Variants in CDS1 observed in about 807,000 individuals in gnomAD.
The protein encoded by CDS1 is phosphatidate cytidylyltransferase 1.
In CDS1, 41 loss-of-function variants were observed where a neutral mutation model predicts 62.1. The ratio of observed to expected loss-of-function variants is 0.66; its 90% confidence interval spans 0.51 to 0.86. The LOEUF (loss-of-function observed/expected upper bound fraction) is 0.86. CDS1 is among the 40% of genes least tolerant of loss of function. The pLI, the probability that CDS1 is intolerant of heterozygous loss-of-function variation, is 0.00. For missense variants in CDS1, 470 were observed against 550.1 expected (o/e 0.85, Z 1.46); for synonymous variants, 185 against 192.6 (o/e 0.96, Z 0.32).
At chr4:84,637,708 C>T (rs182434399) in intron 8 of CDS1, among the ~76,000 whole-genome samples, 1 of 152,336 alleles carries the variant, frequency 6.6e-6, no homozygotes, top group Admixed American at 6.5e-5. Flanking sequence ...ATTTTGAACA[C>T]AGCCTTCTAG....
intron 2 of CDS1, among the ~76,000 whole-genome samples, chr4:84,606,791 C>T (rs1170866887): frequency 2.0e-5 from 3 of 152,126 alleles, no homozygotes; most frequent in Non-Finnish European, 4.4e-5. Context: ...AGCAATCCTC[C>T]CACCTCAGCC....
At chr4:84,643,254 T>C (rs1724447346) in intron 11 of CDS1, 111 bp downstream of exon 11, 1 of 959,784 alleles carries the variant, frequency 1.0e-6, no homozygotes, top group African/African-American at 1.6e-5. Context: ...CCACAACTTT[T>C]ATATCCTATT....
Position 84,617,597 on chromosome 4 carries a change from A to G in CDS1, c.376A>G (p.Ile126Val). 6.3e-7 allele frequency: 1 copy of G among 1,595,854 alleles called. No individual in the cohort carries two copies. Among genetic ancestry groups the G allele is most frequent in the Non-Finnish European group, 8.6e-7 (1 of 1,165,922 alleles). ...CATCCAAGTGAAATGCTTCCATGAAATTATCACTATAGGTTATAGAGTCTA... is the reference window on the plus strand; with the variant it reads ...CATCCAAGTGAAATGCTTCCATGAAGTTATCACTATAGGTTATAGAGTCTA... ...LGIQVKCFHEIITIGYRVYHS... is the reference protein window; with the variant it reads ...LGIQVKCFHEVITIGYRVYHS... The change falls in exon 4 of 13, where the codon ATT becomes GTT. Residue 126 changes from isoleucine to valine, a missense_variant. Physicochemically the swap from Ile to Val is conservative, Grantham distance 29 (BLOSUM62 3). Around this residue, in one of 5 missense-constraint regions of CDS1, gnomAD observed 34 missense variants for 64.8 expected, o/e 0.52. Coordinates refer to ENST00000295887, the MANE Select transcript of CDS1 (RefSeq NM_001263.4).
At chr4:84,609,157 TGC>T (rs1723232033) in intron 2 of CDS1, among the ~76,000 whole-genome samples, 1 of 136,162 alleles carries the variant, frequency 7.3e-6, no homozygotes, top group Non-Finnish European at 1.5e-5. Context: ...CCAGCCTGGG[TGC>T]GACAGAGCGA....
At chr4:84,596,742 C>T (rs1722764690) in intron 1 of CDS1, among the ~76,000 whole-genome samples, 1 of 152,038 alleles carries the variant, frequency 6.6e-6, no homozygotes, top group African/African-American at 2.4e-5. Context: ...ATTATTTTGC[C>T]CTTGACAGGC....
intron 1 of CDS1, among the ~76,000 whole-genome samples, chr4:84,593,497 GT>G (rs897835374): frequency 7.8e-6 from 1 of 128,800 alleles, no homozygotes; most frequent in African/African-American, 2.8e-5. Context: ...CAGTTACAAG[GT>G]TTTTTTTGTT....
At chr4:84,588,178 G>C (rs954587850) in intron 1 of CDS1, among the ~76,000 whole-genome samples, 4 of 152,164 alleles carry the variant, frequency 2.6e-5, no homozygotes, top group Non-Finnish European at 4.4e-5. Context: ...GTCAAGGGGA[G>C]CACACGTGGA....
chr4:84,593,115 G>A (rs555143277), intron 1 of CDS1, among the ~76,000 whole-genome samples: 6 of 152,232 alleles, frequency 3.9e-5, no homozygotes, highest in Admixed American at 2.0e-4. Context: ...TACTTGAACC[G>A]TCTCAGAGTT....
chr4:84,634,529 CTG>C (rs1444847412), intron 7 of CDS1, among the ~76,000 whole-genome samples: 3 of 152,138 alleles, frequency 2.0e-5, no homozygotes, highest in Non-Finnish European at 2.9e-5. Context: ...AAAAATCTGA[CTG>C]TATTTTTCCC....
chr4:84,614,935 A>ATTAGTC (rs1160741550), intron 3 of CDS1, among the ~76,000 whole-genome samples: 1 of 152,132 alleles, frequency 6.6e-6, no homozygotes, highest in Non-Finnish European at 1.5e-5. Context: ...GGCAGGTAAA[A>ATTAGTC]TTAGTCTTAG....
intron 8 of CDS1, 27 bp downstream of exon 8, chr4:84,635,378 C>T (rs779214749): frequency 1.9e-6 from 2 of 1,042,302 alleles, no homozygotes; most frequent in South Asian, 1.3e-5. Context: ...ATAAGCAAGC[C>T]ACTATGTAAC....
chr4:84,587,995 C>T (rs947704551), intron 1 of CDS1, among the ~76,000 whole-genome samples: 5 of 152,174 alleles, frequency 3.3e-5, no homozygotes, highest in African/African-American at 9.7e-5. Flanking sequence ...TCTCTACAGA[C>T]ACAAATCTAC....
At chr4:84,595,070 T>G (rs931875857) in intron 1 of CDS1, among the ~76,000 whole-genome samples, 1 of 152,080 alleles carries the variant, frequency 6.6e-6, no homozygotes, top group Admixed American at 6.6e-5. Flanking sequence ...ATGGTCAGTT[T>G]TTAGGAAAGG....
intron 12 of CDS1, among the ~76,000 whole-genome samples, chr4:84,647,597 T>C (rs1343866702): frequency 6.6e-6 from 1 of 152,140 alleles, no homozygotes; most frequent in Non-Finnish European, 1.5e-5. Flanking sequence ...CTGACTCTTT[T>C]AAAGAAATGA....
chr4:84,591,323 A>AAAG (rs2110034628), intron 1 of CDS1, among the ~76,000 whole-genome samples: 1 of 152,342 alleles, frequency 6.6e-6, no homozygotes, highest in East Asian at 1.9e-4. Context: ...ATTTCAGTGT[A>AAAG]AAGAACATAG....
intron 8 of CDS1, among the ~76,000 whole-genome samples, chr4:84,638,546 C>G (rs1724283829): frequency 6.6e-6 from 1 of 152,134 alleles, no homozygotes; most frequent in South Asian, 2.1e-4. Flanking sequence ...GAATACGTCT[C>G]ATTCTTATTC....
intron 8 of CDS1, among the ~76,000 whole-genome samples, chr4:84,637,112 C>T (rs1006284128): frequency 1.3e-5 from 2 of 152,156 alleles, no homozygotes; most frequent in Admixed American, 6.5e-5. Flanking sequence ...ACAGAGAGCA[C>T]CTGCTGAAAG....
At chr4:84,615,335 C>T (rs549923870) in intron 3 of CDS1, among the ~76,000 whole-genome samples, 10 of 152,064 alleles carry the variant, frequency 6.6e-5, no homozygotes, top group East Asian at 5.8e-4. Context: ...CTCTTGTCAC[C>T]GCCCCAGCCC....
At chr4:84,585,945 C>T (rs1057115531) in intron 1 of CDS1, among the ~76,000 whole-genome samples, 9 of 152,108 alleles carry the variant, frequency 5.9e-5, no homozygotes, top group Non-Finnish European at 8.8e-5. Flanking sequence ...TGGCGTCTAC[C>T]TGGAGACTGT....
Sources: gnomAD v4.1 joint callset for allele counts (sites outside exome capture counted in the v4.1 genomes callset) on GRCh38, gnomAD v4.1.1 for gene constraint, gnomAD v4.1.1 regional missense constraint, MANE v1.5 for transcripts, NCBI Gene and HGNC (gene_info 2026-07-23, HGNC 2026-07-21) for gene names.